Variants in SCMH1 observed in about 807,000 individuals in gnomAD.
SCMH1 encodes polycomb protein SCMH1.
SCMH1 carries 37 observed loss-of-function variants against 70.8 expected under a neutral mutation model. The ratio of observed to expected loss-of-function variants is 0.52; its 90% CI spans 0.40 to 0.69. The LOEUF (loss-of-function observed/expected upper bound fraction) is 0.69. Among genes scored for constraint, SCMH1 ranks in the 30% least tolerant of loss-of-function variants. The pLI, the probability that SCMH1 is intolerant of heterozygous loss-of-function variation, is 0.00. For missense variants in SCMH1, 607 were observed against 827.3 expected (o/e 0.73, Z 3.27); for synonymous variants, 292 against 307.4 (o/e 0.95, Z 0.52).
chr1:41,083,504 T>A (rs891184215), intron 8 of SCMH1, among the ~76,000 whole-genome samples: 2 of 152,238 alleles, frequency 1.3e-5, no homozygotes, highest in African/African-American at 4.8e-5. Context: ...GAACATTCCA[T>A]GCTCATGGGT....
Position 41,208,650 on chromosome 1 carries a change from G to A in SCMH1, c.-117-22400C>T, listed in dbSNP as rs561931679. Among the ~76,000 whole-genome samples the A allele has an allele frequency of 1.1e-4, 17 of 152,134 alleles. No individual in the cohort carries two copies. The South Asian group carries it at 3.1e-3, about 28-fold the overall frequency. On this transcript the variant is annotated intron_variant, in intron 1 of 14. Coordinates refer to ENST00000337495, the Ensembl canonical transcript of SCMH1. Reference sequence around the variant, plus strand: ...ACTACTGGGTAAATAATGAAATGAAGGCAGAAATAAAGATGTTCTTTGAAA... The same window carrying A: ...ACTACTGGGTAAATAATGAAATGAAAGCAGAAATAAAGATGTTCTTTGAAA...
intron 1 of SCMH1, among the ~76,000 whole-genome samples, chr1:41,217,176 T>C (rs1658272045): frequency 6.6e-6 from 1 of 152,144 alleles, no homozygotes; most frequent in African/African-American, 2.4e-5. Flanking sequence ...TCAAAGGAAA[T>C]GATCAATATG....
intron 1 of SCMH1, among the ~76,000 whole-genome samples, chr1:41,221,910 A>C (rs1411705906): frequency 6.8e-6 from 1 of 146,012 alleles, no homozygotes; most frequent in Non-Finnish European, 1.5e-5. Flanking sequence ...AAAAAAAAAA[A>C]AAAAAAAAAA....
At chr1:41,131,898 A>T (rs906735426) in intron 6 of SCMH1, among the ~76,000 whole-genome samples, 3 of 152,188 alleles carry the variant, frequency 2.0e-5, no homozygotes, top group African/African-American at 7.2e-5. Context: ...TTATGGCTGC[A>T]TAGTATTCCA....
chr1:41,048,812 A>G (rs1647146099), exon 11 of SCMH1: 5 of 1,614,090 alleles, frequency 3.1e-6, no homozygotes, highest in Non-Finnish European at 4.2e-6. Flanking sequence ...GGCTGGTCCA[A>G]AATGGTCAGG....
intron 10 of SCMH1, among the ~76,000 whole-genome samples, chr1:41,056,519 G>T (rs916053641): frequency 1.3e-5 from 2 of 151,848 alleles, no homozygotes; most frequent in East Asian, 3.9e-4. Flanking sequence ...TCAGAGAAAG[G>T]TCTGGCACAT....
chr1:41,153,788 T>C (rs1022842956), intron 4 of SCMH1, among the ~76,000 whole-genome samples: 3 of 152,170 alleles, frequency 2.0e-5, no homozygotes, highest in African/African-American at 7.2e-5. Flanking sequence ...AATAAGATAA[T>C]TTTTATGACT....
intron 1 of SCMH1, among the ~76,000 whole-genome samples, chr1:41,209,527 T>C: frequency 6.6e-6 from 1 of 152,184 alleles, no homozygotes; most frequent in East Asian, 1.9e-4. Flanking sequence ...CACAATCAAG[T>C]CGGCTTCATC....
At chr1:41,159,568 C>T (rs111729169) in intron 4 of SCMH1, among the ~76,000 whole-genome samples, 1,963 of 152,226 alleles carry the variant, frequency 0.013, 38 homozygotes, top group African/African-American at 0.045. Flanking sequence ...AGTCACAAAA[C>T]TGGTAAGTGG....
At chr1:41,028,398 A>G in intron 14 of SCMH1, 79 bp from the exon 16 acceptor site, 1 of 1,571,338 alleles carries the variant, frequency 6.4e-7, no homozygotes, top group South Asian at 1.2e-5. Context: ...CCAGGTTCTG[A>G]TTATAGGCCA....
chr1:41,192,825 T>C (rs1437648379), intron 1 of SCMH1, among the ~76,000 whole-genome samples: 1 of 152,118 alleles, frequency 6.6e-6, no homozygotes, highest in Non-Finnish European at 1.5e-5. Flanking sequence ...GATGCACACT[T>C]ATGCTTCACC....
At chr1:41,098,285 T>C (rs1289957887) in intron 8 of SCMH1, among the ~76,000 whole-genome samples, 9 of 152,188 alleles carry the variant, frequency 5.9e-5, no homozygotes, top group Non-Finnish European at 1.5e-5. Context: ...ACAACATATA[T>C]CATTTGGTAG....
intron 13 of SCMH1, among the ~76,000 whole-genome samples, chr1:41,036,073 G>A (rs554252019): frequency 2.6e-5 from 4 of 152,038 alleles, no homozygotes; most frequent in East Asian, 3.9e-4. Context: ...TCACCTTCCC[G>A]TTCTCACCTC....
At chr1:41,168,124 G>A (rs1028039146) in intron 2 of SCMH1, among the ~76,000 whole-genome samples, 1 of 150,786 alleles carries the variant, frequency 6.6e-6, no homozygotes, top group Admixed American at 6.6e-5. Flanking sequence ...ATCTTATTTG[G>A]TGTTCTTTGG....
At chr1:41,177,428 G>A (rs538522119) in intron 2 of SCMH1, among the ~76,000 whole-genome samples, 14 of 151,124 alleles carry the variant, frequency 9.3e-5, no homozygotes, top group African/African-American at 2.2e-4. Flanking sequence ...GGCTTCAGAC[G>A]ATCAAACGAC....
chr1:41,051,228 T>C (rs996216232), intron 10 of SCMH1, among the ~76,000 whole-genome samples: 2 of 152,210 alleles, frequency 1.3e-5, no homozygotes, highest in Non-Finnish European at 2.9e-5. Context: ...GCACAATGCA[T>C]TACTCATGTG....
At position 41,075,201 on chromosome 1, in the gene SCMH1, A is replaced by G; in HGVS notation, c.978+18T>C. On this transcript the variant is annotated intron_variant, in intron 9 of 14. Coordinates refer to ENST00000337495, the Ensembl canonical transcript of SCMH1. The stretch of plus-strand genomic sequence containing the variant: ...TATAAACCCTTATTCCTTTCTGGGA[A>G]ACCCACATTTTACCTACCTTGCTGC... 6.2e-7 allele frequency: 1 copy of G among 1,612,360 alleles called. No homozygotes were observed. The highest frequency in any genetic ancestry group is 1.1e-5 in the South Asian group (1 of 91,038).
exon 15 of SCMH1, chr1:41,027,439 A>G (rs3157): frequency 0.38 from 57,307 of 152,192 alleles, 12,299 homozygotes; most frequent in Admixed American, 0.52. Flanking sequence ...GGGGCAGTAT[A>G]AGCCAGGGAC....
At chr1:41,065,981 T>G (rs1336889972) in intron 10 of SCMH1, among the ~76,000 whole-genome samples, 3 of 152,144 alleles carry the variant, frequency 2.0e-5, no homozygotes, top group African/African-American at 7.2e-5. Flanking sequence ...GGTACTAGCT[T>G]CAAAGAACTG....
Sources: gnomAD v4.1 joint callset for allele counts (sites outside exome capture counted in the v4.1 genomes callset) on GRCh38, gnomAD v4.1.1 for gene constraint, MANE v1.5 for transcripts, NCBI Gene and HGNC (gene_info 2026-07-23, HGNC 2026-07-21) for gene names.